IARS2: variants seen among roughly 807,000 people sequenced by gnomAD.
IARS2 encodes isoleucyl-tRNA synthetase 2, mitochondrial.
IARS2 carries 56 observed loss-of-function variants against 126.3 expected under a neutral mutation model. The ratio of observed to expected loss-of-function variants is 0.44; its 90% CI spans 0.36 to 0.55. IARS2 has a LOEUF of 0.55. Among genes scored for constraint, IARS2 ranks in the 20% least tolerant of loss-of-function variants. IARS2 has a pLI of 0.00. For missense variants in IARS2, 1,127 were observed against 1,245.9 expected (o/e 0.90, Z 1.44); for synonymous variants, 407 against 441.1 (o/e 0.92, Z 0.97).
intron 18 of IARS2, among the ~76,000 whole-genome samples, chr1:220,139,828 C>T (rs1243254501): frequency 6.6e-6 from 1 of 152,068 alleles, no homozygotes; most frequent in Non-Finnish European, 1.5e-5. Flanking sequence ...GTGTACATAC[C>T]AATTTTGCCC....
intron 1 of IARS2, among the ~76,000 whole-genome samples, chr1:220,094,767 C>A (rs1656401991): frequency 6.6e-6 from 1 of 152,226 alleles, no homozygotes; most frequent in South Asian, 2.1e-4. Context: ...TGTCCCATGT[C>A]TACCGTAGGC....
intron 16 of IARS2, among the ~76,000 whole-genome samples, chr1:220,137,226 C>T (rs1364169663): frequency 6.6e-6 from 1 of 151,954 alleles, no homozygotes; most frequent in East Asian, 1.9e-4. Flanking sequence ...GGTGTGCCTC[C>T]CTCAAACCTT....
At chr1:220,107,178 A>G (rs900573311) in intron 10 of IARS2, 27 bp downstream of exon 10, 3 of 1,501,818 alleles carry the variant, frequency 2.0e-6, no homozygotes, top group Admixed American at 3.4e-5. Context: ...TTGATATCAT[A>G]CATGTTTTCT....
At chr1:220,105,300 A>G (rs534144501) in intron 8 of IARS2, among the ~76,000 whole-genome samples, 2 of 152,322 alleles carry the variant, frequency 1.3e-5, no homozygotes, top group Admixed American at 1.3e-4. Flanking sequence ...ATACATTATC[A>G]TAGAAGCTAA....
At chr1:220,147,379 A>G (rs1657622903) in intron 22 of IARS2, 114 bp from the exon 23 acceptor site, 2 of 959,746 alleles carry the variant, frequency 2.1e-6, no homozygotes, top group East Asian at 2.4e-5. Flanking sequence ...GTGTCTGACA[A>G]GCTTTACCAA....
intron 12 of IARS2, among the ~76,000 whole-genome samples, chr1:220,119,560 T>G (rs1464792748): frequency 6.6e-6 from 1 of 152,068 alleles, no homozygotes; most frequent in Non-Finnish European, 1.5e-5. Context: ...TGTTTAAAAA[T>G]TTTTTTAGGA....
At chr1:220,122,996 A>G (rs1040676521) in intron 12 of IARS2, among the ~76,000 whole-genome samples, 1 of 150,494 alleles carries the variant, frequency 6.6e-6, no homozygotes, top group African/African-American at 2.4e-5. Context: ...TGAGAATTTC[A>G]TTAGTATGAA....
chr1:220,103,339 C>T (rs961500586), intron 7 of IARS2, 108 bp from the exon 8 acceptor site: 34 of 685,220 alleles, frequency 5.0e-5, no homozygotes, highest in African/African-American at 7.2e-5. Flanking sequence ...TGAGCCACCG[C>T]GCTGGCCTGA....
chr1:220,110,647 A>G, intron 10 of IARS2, 139 bp from the exon 11 acceptor site: 1 of 653,496 alleles, frequency 1.5e-6, no homozygotes, highest in South Asian at 1.9e-5. Context: ...TACAGGTGTG[A>G]GCCACTGTGG....
At chr1:220,117,401 T>G (rs1656947879) in intron 12 of IARS2, among the ~76,000 whole-genome samples, 1 of 151,674 alleles carries the variant, frequency 6.6e-6, no homozygotes, top group East Asian at 1.9e-4. Flanking sequence ...GGTTTCTCCA[T>G]GTTGGTCAGG....
At chr1:220,107,025 C>G in intron 9 of IARS2, 36 bp from the exon 10 acceptor site, 1 of 1,277,022 alleles carries the variant, frequency 7.8e-7, no homozygotes, top group Non-Finnish European at 1.1e-6. Flanking sequence ...GAGAAAATGT[C>G]TTGATATTTT....
chr1:220,109,832 C>T (rs768275762), intron 10 of IARS2, among the ~76,000 whole-genome samples: 15 of 152,204 alleles, frequency 9.9e-5, no homozygotes, highest in Non-Finnish European at 1.9e-4. Flanking sequence ...CTGGTTTCCT[C>T]CAGATTACCT....
At chr1:220,137,793 T>A (rs1657408728) in intron 16 of IARS2, 125 bp from the exon 17 acceptor site, 1 of 968,592 alleles carries the variant, frequency 1.0e-6, no homozygotes, top group African/African-American at 1.6e-5. Context: ...TTCATTACAG[T>A]GCTAGTATAG....
intron 19 of IARS2, 52 bp from the exon 20 acceptor site, chr1:220,141,751 G>T: frequency 6.3e-7 from 1 of 1,587,670 alleles, no homozygotes; most frequent in South Asian, 1.1e-5. Flanking sequence ...CCATCTAGGT[G>T]ACCATAATGT....
Position 220,133,302 on chromosome 1 carries a change from G to A in IARS2, c.1838-1100G>A, listed in dbSNP as rs926362216. 4.6e-5 allele frequency among the ~76,000 whole-genome samples: 7 copies of A among 152,076 alleles called. No homozygotes were observed. The East Asian group carries it at 5.8e-4, about 13-fold the overall frequency. On this transcript the variant is annotated intron_variant, in intron 14 of 22. Transcript: ENST00000366922. ...GTTACAGGCACGAGACACTGCACCC[G>A]GCCCCATCACAGTTATTTCTTGCTT... is the stretch of plus-strand genomic sequence containing the variant.
chr1:220,113,637 A>ATAGAGAGAGAGAGATTTATTT, intron 11 of IARS2, among the ~76,000 whole-genome samples: 1 of 151,872 alleles, frequency 6.6e-6, no homozygotes, highest in African/African-American at 2.4e-5. Context: ...ATATATATAT[A>ATAGAGAGAGAGAGATTTATTT]TAGAGAGAGA....
chr1:220,118,563 A>G (rs1656974650), intron 12 of IARS2, among the ~76,000 whole-genome samples: 1 of 152,146 alleles, frequency 6.6e-6, no homozygotes, highest in Non-Finnish European at 1.5e-5. Flanking sequence ...AATTTTTAGC[A>G]TAAAAAAGAT....
At position 220,114,400 on chromosome 1, in the gene IARS2, A is replaced by G; in HGVS notation, c.1566A>G (p.Ile522Met). The part of the protein sequence containing the change: ...EMMDRRPYWC[I>M]SRQRVWGVPI... ...TGGACAGGCGGCCATATTGGTGTAT[A>G]TCAAGGCAAAGAGTTTGGGGTGTTC... Residue 522 changes from isoleucine to methionine, a missense_variant, in exon 12 of 23, where the codon ATA (isoleucine) becomes ATG (methionine). Transcript: ENST00000366922. 1 of 1,614,008 alleles carries G rather than the reference A, an allele frequency of 6.2e-7. No individual in the cohort carries two copies. The highest frequency in any genetic ancestry group is 8.5e-7 in the Non-Finnish European group (1 of 1,179,862).
intron 14 of IARS2, 82 bp from the exon 15 acceptor site, chr1:220,134,317 AATT>A: frequency 2.2e-6 from 2 of 895,808 alleles, no homozygotes; most frequent in Non-Finnish European, 3.3e-6. Flanking sequence ...CCTCCCCACT[AATT>A]GTTATTAATA....
Sources: gnomAD v4.1 joint callset for allele counts (sites outside exome capture counted in the v4.1 genomes callset) on GRCh38, gnomAD v4.1.1 for gene constraint, MANE v1.5 for transcripts, NCBI Gene and HGNC (gene_info 2026-07-23, HGNC 2026-07-21) for gene names.